The following WIF1 variants were observed in gnomAD, a reference collection of about 807,000 sequenced individuals.
WIF1 encodes the protein Wnt inhibitory factor 1.
WIF1 carries 35 observed loss-of-function variants against 53.5 expected under a neutral mutation model. That is an observed-to-expected ratio of 0.65 (90% CI 0.50 to 0.87). The LOEUF is 0.87. Among genes scored for constraint, WIF1 ranks in the 40% least tolerant of loss-of-function variants. The pLI, the probability that WIF1 is intolerant of heterozygous loss-of-function variation, is 0.00. For synonymous variants in WIF1, 171 were observed against 170.4 expected, an observed-to-expected ratio of 1.00 and a Z score of -0.03; for missense variants, 467 against 476.8, an observed-to-expected ratio of 0.98 and a Z score of 0.19.
At chr12:65,076,260 C>G (rs1316173809) in intron 3 of WIF1, among the ~76,000 whole-genome samples, 5 of 152,022 alleles carry the variant, frequency 3.3e-5, no homozygotes, top group Non-Finnish European at 7.4e-5. Context: ...CGGTCTTGAA[C>G]TCCTGGGCAC....
rs144099693 is a variant in WIF1, at chr12:65,119,151, G to C, written c.288+1266C>G. 5.2e-3 allele frequency among the ~76,000 whole-genome samples: 788 copies of C among 152,286 alleles called. 11 individuals carry two copies. The highest frequency in any genetic ancestry group is 0.017 in the Middle Eastern group (5 of 294). On this transcript the variant is annotated intron_variant, in intron 2 of 9. Transcript: ENST00000286574. Reference sequence around the variant, plus strand: ...AAAGGCCATTCGTTGGTTTATTACTGATTTCACAATATTCCCAACTTAATT... The same window carrying C: ...AAAGGCCATTCGTTGGTTTATTACTCATTTCACAATATTCCCAACTTAATT...
chr12:65,078,535 A>T (rs1279596133), intron 2 of WIF1, among the ~76,000 whole-genome samples: 1 of 152,182 alleles, frequency 6.6e-6, no homozygotes, highest in Non-Finnish European at 1.5e-5. Flanking sequence ...CTAAATTCTG[A>T]AGTGAGTCTT....
At chr12:65,070,433 C>T (rs1472189877) in intron 3 of WIF1, among the ~76,000 whole-genome samples, 1 of 152,116 alleles carries the variant, frequency 6.6e-6, no homozygotes. Context: ...ATTTACAAAA[C>T]ATTTATGAAT....
chr12:65,094,235 A>T (rs1165640261), intron 2 of WIF1, among the ~76,000 whole-genome samples: 1 of 152,122 alleles, frequency 6.6e-6, no homozygotes, highest in African/African-American at 2.4e-5. Flanking sequence ...TCCAATAAAC[A>T]CTCATTTGCG....
At position 65,121,264 on chromosome 12, in the gene WIF1, T is replaced by C; in HGVS notation, c.-73A>G. 1 of 1,354,016 alleles carries C rather than the reference T, an allele frequency of 7.4e-7. No homozygotes were observed. The highest frequency in any genetic ancestry group is 9.6e-7 in the Non-Finnish European group (1 of 1,046,884). 83.9% of individuals were successfully genotyped at this position (1,354,016 alleles called of 1,614,324 possible). On this transcript the variant is annotated 5_prime_UTR_variant, in exon 1 of 10. Transcript: ENST00000286574. Reference sequence around the variant, plus strand: ...TACGCAACCTGGCGCCGTCAGATACTCTGCTGCGCTGCAGCTCCCTCAGCC... The same window carrying C: ...TACGCAACCTGGCGCCGTCAGATACCCTGCTGCGCTGCAGCTCCCTCAGCC...
At position 65,121,230 on chromosome 12, in the gene WIF1, T is replaced by G. The variant is rs762917365; in HGVS notation, c.-39A>C. On this transcript the variant is annotated 5_prime_UTR_variant, in exon 1 of 10. Transcript: ENST00000286574. ...TCCTCGCTGCCGGGAAAACTCCTCGTGCCGCACCTACGCAACCTGGCGCCG... is the reference window on the plus strand; with the variant it reads ...TCCTCGCTGCCGGGAAAACTCCTCGGGCCGCACCTACGCAACCTGGCGCCG... The G allele has an allele frequency of 1.2e-5, 17 of 1,409,380 alleles. No homozygotes were observed. The Admixed American group carries it at 3.7e-4, about 31-fold the overall frequency. 87.3% of individuals were successfully genotyped at this position (1,409,380 alleles called of 1,614,324 possible). A position where few individuals can be genotyped will look rare whatever the true frequency, so the allele number is the denominator to read the frequency against.
rs1048540628 is a variant in WIF1 at position 65,051,017 on chromosome 12, T to C, written c.*332A>G. The C allele has an allele frequency of 8.1e-6, 2 of 247,000 alleles. No individual in the cohort carries two copies. Among genetic ancestry groups the C allele is most frequent in the African/African-American group, 4.4e-5 (2 of 45,888 alleles). The allele number at this position is 247,000 out of a possible 1,614,324, so 15.3% of individuals were successfully genotyped here. On this transcript the variant is annotated 3_prime_UTR_variant, in exon 10 of 10. Transcript: ENST00000286574. ...TACGCATTTTTGCCCAATTTAACCT[T>C]TCTGATGTTCCCCTGCCCCCAGACA...
intron 2 of WIF1, among the ~76,000 whole-genome samples, chr12:65,101,389 G>A (rs1029067947): frequency 7.9e-5 from 12 of 152,096 alleles, no homozygotes; most frequent in African/African-American, 2.9e-4. Context: ...ATAAATATTA[G>A]TAATATAGCT....
chr12:65,076,523 C>T (rs113669545), intron 3 of WIF1, among the ~76,000 whole-genome samples: 1 of 152,180 alleles, frequency 6.6e-6, no homozygotes, highest in South Asian at 2.1e-4. Flanking sequence ...CTCATAGTTC[C>T]TATCATTTGA....
At chr12:65,090,694 T>C (rs929292703) in intron 2 of WIF1, among the ~76,000 whole-genome samples, 3 of 152,178 alleles carry the variant, frequency 2.0e-5, no homozygotes, top group African/African-American at 7.2e-5. Context: ...CTGGGAGGAC[T>C]CTGGCAAGCT....
At chr12:65,058,196 C>T (rs1882558225) in intron 7 of WIF1, among the ~76,000 whole-genome samples, 1 of 152,062 alleles carries the variant, frequency 6.6e-6, no homozygotes, top group African/African-American at 2.4e-5. Flanking sequence ...TTTCCATTTG[C>T]ATCAAATAAA....
At chr12:65,061,072 A>T (rs1302313377) in intron 7 of WIF1, among the ~76,000 whole-genome samples, 1 of 152,190 alleles carries the variant, frequency 6.6e-6, no homozygotes, top group Non-Finnish European at 1.5e-5. Context: ...ACAGGGGAAA[A>T]TTGAGGGGAG....
intron 7 of WIF1, among the ~76,000 whole-genome samples, chr12:65,058,091 CTT>C (rs5798766): frequency 1.3e-4 from 20 of 149,242 alleles, no homozygotes; most frequent in Middle Eastern, 3.4e-3. Flanking sequence ...AAAGAAGGTC[CTT>C]TTTTTTTTTG....
chr12:65,088,878 T>TG (rs1472592720), intron 2 of WIF1, among the ~76,000 whole-genome samples: 21 of 152,136 alleles, frequency 1.4e-4, no homozygotes, highest in South Asian at 2.1e-4. Flanking sequence ...AATATTTTTC[T>TG]GGGGGGGAGC....
chr12:65,055,332 T>C, intron 8 of WIF1, 119 bp from the exon 9 acceptor site: 1 of 1,141,478 alleles, frequency 8.8e-7, no homozygotes, highest in Non-Finnish European at 1.2e-6. Context: ...CCTCTAATTT[T>C]TTTTCCTAAG....
intron 4 of WIF1, among the ~76,000 whole-genome samples, chr12:65,068,446 G>A (rs1882721135): frequency 6.6e-6 from 1 of 152,120 alleles, no homozygotes; most frequent in Admixed American, 6.6e-5. Flanking sequence ...TCATGACCAC[G>A]GGTGAGATAC....
At chr12:65,108,537 A>G (rs557359027) in intron 2 of WIF1, among the ~76,000 whole-genome samples, 113 of 152,294 alleles carry the variant, frequency 7.4e-4, no homozygotes, top group African/African-American at 2.6e-3. Flanking sequence ...CTTAGTTACA[A>G]CATCATTATC....
chr12:65,073,361 CTAA>C (rs995567354), intron 3 of WIF1, among the ~76,000 whole-genome samples: 20 of 152,242 alleles, frequency 1.3e-4, no homozygotes, highest in African/African-American at 4.6e-4. Context: ...CATTGGATTC[CTAA>C]AAGTCCTAGT....
chr12:65,081,879 A>G (rs1013269269), intron 2 of WIF1, among the ~76,000 whole-genome samples: 8 of 152,086 alleles, frequency 5.3e-5, no homozygotes, highest in Non-Finnish European at 1.0e-4. Context: ...GAAAAGAAAA[A>G]AGAAAAATTT....
Sources: gnomAD v4.1 joint callset for allele counts (sites outside exome capture counted in the v4.1 genomes callset) on GRCh38, gnomAD v4.1.1 for gene constraint, MANE v1.5 for transcripts, NCBI Gene and HGNC (gene_info 2026-07-23, HGNC 2026-07-21) for gene names.